Variants in PTPRT observed in about 807,000 individuals in gnomAD.
The protein encoded by PTPRT is receptor-type tyrosine-protein phosphatase T.
A neutral mutation model predicts 176.8 loss-of-function variants in PTPRT; 56 were observed. The ratio of observed to expected loss-of-function variants is 0.32; its 90% CI spans 0.26 to 0.40. The LOEUF is 0.40. Ranked by LOEUF, PTPRT falls within the 10% of genes least tolerant of loss-of-function variation. The probability of loss-of-function intolerance (pLI) is 1.00; values close to 1 mark genes in which losing one functional copy is unlikely to be tolerated. For synonymous variants in PTPRT, 783 were observed against 739.0 expected (o/e 1.06, Z -0.96); for missense variants, 1,540 against 1,908.2 (o/e 0.81, Z 3.60).
chr20:42,563,759 T>G (rs1410005967), intron 7 of PTPRT, among the ~76,000 whole-genome samples: 1 of 152,216 alleles, frequency 6.6e-6, no homozygotes, highest in Non-Finnish European at 1.5e-5. Flanking sequence ...AGTCAAGATA[T>G]GATTCCATTA....
At chr20:42,042,053 T>C in the PTPRT span, among the ~76,000 whole-genome samples, 1 of 152,196 alleles carries the variant, frequency 6.6e-6, no homozygotes, top group Admixed American at 6.5e-5. Flanking sequence ...CTTGTACTCC[T>C]GCCAAGCACT....
chr20:42,181,648 T>C (rs560861059), intron 16 of PTPRT, among the ~76,000 whole-genome samples: 1 of 152,252 alleles, frequency 6.6e-6, no homozygotes, highest in East Asian at 1.9e-4. Flanking sequence ...AAGTGAACCA[T>C]TGTGATCTAT....
chr20:42,488,015 C>T (rs1039883250), intron 7 of PTPRT, among the ~76,000 whole-genome samples: 1 of 152,122 alleles, frequency 6.6e-6, no homozygotes. Flanking sequence ...TGTTCTAGCT[C>T]GTTTACCTTT....
chr20:42,794,099 A>G (rs1042735651), intron 2 of PTPRT, among the ~76,000 whole-genome samples: 1 of 152,190 alleles, frequency 6.6e-6, no homozygotes, highest in African/African-American at 2.4e-5. Context: ...CTTCGGTAGC[A>G]GGGCAGGCTC....
intron 9 of PTPRT, among the ~76,000 whole-genome samples, chr20:42,436,914 C>T (rs6102832): frequency 0.25 from 37,891 of 152,092 alleles, 5,284 homozygotes; most frequent in African/African-American, 0.37. Flanking sequence ...GGAATAAAAA[C>T]GTCCCAAAAG....
intron 1 of PTPRT, among the ~76,000 whole-genome samples, chr20:42,897,481 A>G (rs2079322490): frequency 6.6e-6 from 1 of 152,220 alleles, no homozygotes; most frequent in African/African-American, 2.4e-5. Context: ...CTTCCAAGGC[A>G]GCACAGTACA....
chr20:42,603,234 T>C (rs889889785), intron 7 of PTPRT, among the ~76,000 whole-genome samples: 3 of 151,916 alleles, frequency 2.0e-5, no homozygotes, highest in South Asian at 2.1e-4. Context: ...GATGTAGTAA[T>C]GGTATGCTGG....
At position 42,213,260 on chromosome 20, in the gene PTPRT, C is replaced by T. The variant is rs115170272; in HGVS notation, c.2343-13872G>A. Among the ~76,000 whole-genome samples, 522 of 152,342 alleles carry T rather than the reference C, an allele frequency of 3.4e-3. 4 individuals carry two copies. The highest frequency in any genetic ancestry group is 0.012 in the African/African-American group (500 of 41,572). On this transcript the variant is annotated intron_variant, in intron 15 of 30. Coordinates refer to ENST00000373187, the MANE Select transcript of PTPRT (RefSeq NM_007050.6). ...CACCGAAGTAGGTGGGCCCACTCTTCAGCAGGTCTGAATTAGTAAAGTTTC... is the reference window on the plus strand; with the variant it reads ...CACCGAAGTAGGTGGGCCCACTCTTTAGCAGGTCTGAATTAGTAAAGTTTC...
In PTPRT at chr20:42,073,047, G is replaced by A. The variant is rs753072536; in HGVS notation, c.*7832C>T. 14 of 219,304 alleles carry A rather than the reference G, an allele frequency of 6.4e-5. No homozygotes were observed. Among genetic ancestry groups the A allele is most frequent in the Non-Finnish European group, 9.2e-5 (10 of 109,118 alleles). 13.6% of individuals were successfully genotyped at this position (219,304 alleles called of 1,614,324 possible). A position where few individuals can be genotyped will look rare whatever the true frequency, so the allele number is the denominator to read the frequency against. On this transcript the variant is annotated 3_prime_UTR_variant, in exon 31 of 31. Transcript: ENST00000373187. ...TTTATTTTGTTTTCTCTTCTCATAC[G>A]TGCTTTATCTATCAAACACCCAAAC...
chr20:42,127,686 A>T (rs1417515651), intron 19 of PTPRT, among the ~76,000 whole-genome samples: 1 of 152,152 alleles, frequency 6.6e-6, no homozygotes, highest in Non-Finnish European at 1.5e-5. Context: ...AGGTCCTGAG[A>T]TGCATGGCTT....
chr20:42,783,722 C>T (rs1437136831), intron 3 of PTPRT, among the ~76,000 whole-genome samples: 1 of 152,166 alleles, frequency 6.6e-6, no homozygotes, highest in African/African-American at 2.4e-5. Context: ...ATGGTTATCT[C>T]TGACCCAAGC....
the PTPRT span, among the ~76,000 whole-genome samples, chr20:42,064,528 G>A: frequency 6.6e-6 from 1 of 151,932 alleles, no homozygotes; most frequent in Non-Finnish European, 1.5e-5. Flanking sequence ...TTTCCATTAT[G>A]TTTTCTAATA....
At chr20:42,550,257 T>C (rs1859995052) in intron 7 of PTPRT, among the ~76,000 whole-genome samples, 1 of 151,858 alleles carries the variant, frequency 6.6e-6, no homozygotes, top group South Asian at 2.1e-4. Flanking sequence ...AGACTAGAAG[T>C]ATCTCCAGAC....
chr20:43,175,372 A>G (rs1024900865), intron 1 of PTPRT, among the ~76,000 whole-genome samples: 1 of 152,278 alleles, frequency 6.6e-6, no homozygotes, highest in African/African-American at 2.4e-5. Flanking sequence ...AAGGCCTTCC[A>G]TATAGAAAAT....
chr20:42,494,312 T>G (rs1601126311), intron 7 of PTPRT, among the ~76,000 whole-genome samples: 1 of 152,212 alleles, frequency 6.6e-6, no homozygotes, highest in East Asian at 1.9e-4. Context: ...CAACGTTTTC[T>G]CATTGCAAAT....
intron 16 of PTPRT, among the ~76,000 whole-genome samples, chr20:42,191,198 T>C (rs1266002084): frequency 6.6e-6 from 1 of 150,758 alleles, no homozygotes; most frequent in Non-Finnish European, 1.5e-5. Flanking sequence ...AATAGCCCTG[T>C]AGGCTTGGCA....
At chr20:42,775,203 A>T (rs6030466) in intron 4 of PTPRT, among the ~76,000 whole-genome samples, 23,384 of 152,046 alleles carry the variant, frequency 0.15, 2,129 homozygotes, top group East Asian at 0.46. Flanking sequence ...AAATGCCTTG[A>T]CGTTAGTGAC....
Position 42,694,553 on chromosome 20 carries a change from T to TG in PTPRT, c.860-16395dup, listed in dbSNP as rs372320494. Among the ~76,000 whole-genome samples, 101 of 152,322 alleles carry TG rather than the reference T, an allele frequency of 6.6e-4. 1 individual carries two copies. Among genetic ancestry groups the TG allele is most frequent in the African/African-American group, 2.1e-3 (87 of 41,574 alleles). On this transcript the variant is annotated intron_variant, in intron 6 of 30. Transcript: ENST00000373187. ...GTGTGAACATAAGTTTTCATTTTTC[T>TG]GGGGTAAATTCCTTGGAGTTCAATC...
intron 16 of PTPRT, among the ~76,000 whole-genome samples, chr20:42,184,357 T>C (rs1047424194): frequency 2.0e-5 from 3 of 152,176 alleles, no homozygotes; most frequent in African/African-American, 7.2e-5. Flanking sequence ...TTCTCTATGA[T>C]GTTTTCTTTG....
Sources: gnomAD v4.1 joint callset for allele counts (sites outside exome capture counted in the v4.1 genomes callset) on GRCh38, gnomAD v4.1.1 for gene constraint, MANE v1.5 for transcripts, NCBI Gene and HGNC (gene_info 2026-07-23, HGNC 2026-07-21) for gene names.